IGSF10: variants seen among roughly 807,000 people sequenced by gnomAD.
IGSF10 encodes immunoglobulin superfamily member 10.
A neutral mutation model predicts 128.2 loss-of-function variants in IGSF10; 126 were observed. That is an observed-to-expected ratio of 0.98 (90% CI 0.85 to 1.14). The LOEUF is 1.14. IGSF10 is among the 50% of genes most tolerant of loss of function. IGSF10 has a pLI of 0.00. For synonymous variants in IGSF10, 1,185 were observed against 1,146.2 expected (o/e 1.03, Z -0.68); for missense variants, 3,295 against 3,149.8 (o/e 1.05, Z -1.10).
chr3:151,617,861 G>A, the IGSF10 span, among the ~76,000 whole-genome samples: 1 of 152,152 alleles, frequency 6.6e-6, no homozygotes, highest in Non-Finnish European at 1.5e-5. Flanking sequence ...GTTATCATGG[G>A]AGAGGGTTAG....
chr3:151,545,948 A>G, the IGSF10 span, among the ~76,000 whole-genome samples: 1 of 152,092 alleles, frequency 6.6e-6, no homozygotes, highest in African/African-American at 2.4e-5. Flanking sequence ...TGTTGCTCGC[A>G]GCAGATGAGC....
chr3:151,541,303 GT>G, the IGSF10 span, among the ~76,000 whole-genome samples: 2 of 152,134 alleles, frequency 1.3e-5, no homozygotes, highest in Non-Finnish European at 2.9e-5. Flanking sequence ...CTTCAAGACA[GT>G]ATATCTTTAC....
the IGSF10 span, among the ~76,000 whole-genome samples, chr3:151,564,123 C>A: frequency 2.9e-3 from 448 of 152,296 alleles, 1 homozygote; most frequent in African/African-American, 0.01. Context: ...GGTTTTACCA[C>A]AAACCTTGCA....
the IGSF10 span, among the ~76,000 whole-genome samples, chr3:151,588,973 A>G: frequency 6.6e-6 from 1 of 152,216 alleles, no homozygotes; most frequent in South Asian, 2.1e-4. Context: ...ATAGCAATAT[A>G]AAGAAGAAGT....
chr3:151,438,080 G>T lies in IGSF10; in HGVS notation c.6481C>A (p.Leu2161Ile), dbSNP rs1560170675. Residue 2161 changes from leucine to isoleucine, a missense_variant, in exon 8 of 8, where the codon CTT (leucine) becomes ATT (isoleucine). Transcript: ENST00000282466. ...GGATCCCCAGTGACCTCACAGTCAA[G>T]GACAGCTGTGTCTCCAGCTTTGATT... Reference protein sequence around the residue: ...KRIKAGDTAVLDCEVTGDPKP... With the variant: ...KRIKAGDTAVIDCEVTGDPKP... The T allele has an allele frequency of 6.2e-7, 1 of 1,614,090 alleles. No individual in the cohort carries two copies. The highest frequency in any genetic ancestry group is 8.5e-7 in the Non-Finnish European group (1 of 1,180,044).
the IGSF10 span, among the ~76,000 whole-genome samples, chr3:151,545,697 A>G: frequency 6.6e-6 from 1 of 152,116 alleles, no homozygotes; most frequent in African/African-American, 2.4e-5. Flanking sequence ...ATATTTTCCA[A>G]TTATTTATTG....
the IGSF10 span, among the ~76,000 whole-genome samples, chr3:151,571,844 A>G: frequency 4.6e-4 from 70 of 152,264 alleles, no homozygotes; most frequent in Non-Finnish European, 7.6e-4. Context: ...TCAGTATGAT[A>G]TTGGCTGTGG....
the IGSF10 span, among the ~76,000 whole-genome samples, chr3:151,586,956 T>G: frequency 9.0e-4 from 137 of 152,316 alleles, 1 homozygote; most frequent in African/African-American, 3.3e-3. Flanking sequence ...TGTTCTGACT[T>G]GAGCATGGGT....
the IGSF10 span, among the ~76,000 whole-genome samples, chr3:151,553,975 AAAAAAAAAC>A: frequency 9.1e-6 from 1 of 110,122 alleles, no homozygotes; most frequent in Non-Finnish European, 2.2e-5. Flanking sequence ...AACAACAACA[AAAAAAAAAC>A]AAAAGAAAAA....
At position 151,436,724 on chromosome 3, in the gene IGSF10, T is replaced by C. The variant is rs772679531; in HGVS notation, c.7837A>G (p.Ser2613Gly). The C allele has an allele frequency of 3.1e-5, 50 of 1,613,684 alleles. No individual in the cohort carries two copies. The South Asian group carries it at 5.3e-4, about 17-fold the overall frequency. The change falls in exon 8 of 8, where the codon AGT becomes GGT. Residue 2613 changes from serine to glycine, a missense_variant. Physicochemically the swap from Ser to Gly is moderately conservative, Grantham distance 56 (BLOSUM62 0). Transcript: ENST00000282466. Reference protein sequence around the residue: ...YKCTAKNPLGSDYAATYIQVI With the variant: ...YKCTAKNPLGGDYAATYIQVI Reference sequence around the variant, plus strand: ...TGAATATACGTTGCTGCATAATCACTACCAAGTGGGTTCTTTGCTGTGCAT... The same window carrying C: ...TGAATATACGTTGCTGCATAATCACCACCAAGTGGGTTCTTTGCTGTGCAT...
the IGSF10 span, among the ~76,000 whole-genome samples, chr3:151,605,124 G>A: frequency 1.3e-5 from 2 of 152,168 alleles, no homozygotes; most frequent in African/African-American, 2.4e-5. Flanking sequence ...ATCACCAACA[G>A]AGAGTTTAAA....
chr3:151,487,525 C>CA, the IGSF10 span, among the ~76,000 whole-genome samples: 1 of 151,974 alleles, frequency 6.6e-6, no homozygotes, highest in Non-Finnish European at 1.5e-5. Context: ...AGAGACACAA[C>CA]AAAAAAAGAA....
At chr3:151,512,557 A>G in the IGSF10 span, among the ~76,000 whole-genome samples, 1 of 152,224 alleles carries the variant, frequency 6.6e-6, no homozygotes, top group African/African-American at 2.4e-5. Flanking sequence ...AAAGAACTAG[A>G]GAAGCAAGAG....
chr3:151,596,082 T>C, the IGSF10 span, among the ~76,000 whole-genome samples: 1 of 152,158 alleles, frequency 6.6e-6, no homozygotes, highest in Non-Finnish European at 1.5e-5. Context: ...ACCTTAAATA[T>C]ATGTAATTTT....
the IGSF10 span, among the ~76,000 whole-genome samples, chr3:151,595,519 CTA>C: frequency 6.7e-6 from 1 of 148,328 alleles, no homozygotes; most frequent in Non-Finnish European, 1.5e-5. Context: ...CATCAATACT[CTA>C]ATATATTATT....
chr3:151,437,815 G>C lies in IGSF10; in HGVS notation c.6746C>G (p.Ala2249Gly). ...TTTTTTGGAATGTCTCACAGCTGTG[G>C]CTTTAATAACAGTTCTGTTTGTATA... The part of the protein sequence containing the change: ...GLYTNRTVIK[A>G]TAVRHSKKHF... The change falls in exon 8 of 8, where the codon GCC becomes GGC. Residue 2249 changes from alanine to glycine, a missense_variant. Transcript: ENST00000282466. 1 of 1,613,848 alleles carries C rather than the reference G, an allele frequency of 6.2e-7. No individual in the cohort carries two copies. The highest frequency in any genetic ancestry group is 8.5e-7 in the Non-Finnish European group (1 of 1,179,968).
chr3:151,488,895 C>T, the IGSF10 span, among the ~76,000 whole-genome samples: 2 of 152,176 alleles, frequency 1.3e-5, no homozygotes, highest in African/African-American at 2.4e-5. Context: ...AGGCAATACC[C>T]TTCAGGACAT....
chr3:151,464,068 T>C (rs1031544197), upstream of IGSF10, among the ~76,000 whole-genome samples: 3 of 152,216 alleles, frequency 2.0e-5, no homozygotes, highest in African/African-American at 4.8e-5. Flanking sequence ...TAACTTTATT[T>C]TGCAGAAGTT....
chr3:151,463,536 T>TGTTTTTTTG (rs1560185502), upstream of IGSF10, among the ~76,000 whole-genome samples: 2 of 14,300 alleles, frequency 1.4e-4, no homozygotes, highest in African/African-American at 6.3e-4. Context: ...TTTTTTTTTT[T>TGTTTTTTTG]TTTTTTTTTT....
Sources: gnomAD v4.1 joint callset for allele counts (sites outside exome capture counted in the v4.1 genomes callset) on GRCh38, gnomAD v4.1.1 for gene constraint, MANE v1.5 for transcripts, NCBI Gene and HGNC (gene_info 2026-07-23, HGNC 2026-07-21) for gene names.